Variants in CD101 observed in about 807,000 individuals in gnomAD.
CD101 encodes the protein CD101 molecule, also known as immunoglobulin superfamily member 2.
Under a neutral mutation model 98.2 loss-of-function variants are expected in CD101, and 76 were observed. That is an observed-to-expected ratio of 0.77 (90% CI 0.64 to 0.94). The LOEUF (loss-of-function observed/expected upper bound fraction) is 0.94. CD101 is among the 40% of genes least tolerant of loss of function. CD101 has a pLI of 0.00. For missense variants in CD101, 1,145 were observed against 1,218.8 expected (o/e 0.94, Z 0.90); for synonymous variants, 471 against 472.7 (o/e 1.00, Z 0.05).
At position 117,005,607 on chromosome 1, in the gene CD101, C is replaced by T. The variant is rs1187039093; in HGVS notation, c.43+3747C>T. Among the ~76,000 whole-genome samples, 1 of 152,196 alleles carries T rather than the reference C, an allele frequency of 6.6e-6. No homozygotes were observed. Among genetic ancestry groups the T allele is most frequent in the Non-Finnish European group, 1.5e-5 (1 of 68,046 alleles). On this transcript the variant is annotated intron_variant, in intron 1 of 9. Coordinates refer to ENST00000682167, the MANE Select transcript of CD101 (RefSeq NM_001256106.3). This position sits in a 1 kb window ranked among gnomAD's most constrained non-coding sequence, Gnocchi z 4.4. The stretch of plus-strand genomic sequence containing the variant: ...TCCCTCTGTAAGTTTTGTTCCTTAT[C>T]CCATCCCCTAAAGAGAGAAATTCCC...
chr1:117,018,350 T>A lies in CD101; in HGVS notation c.1807T>A (p.Trp603Arg), dbSNP rs761238424. Residue 603 changes from tryptophan (W) to arginine (R), a missense_variant, in exon 6 of 10, where the codon TGG (tryptophan) becomes AGG (arginine). Trp to Arg is a moderately radical substitution (Grantham distance 101, BLOSUM62 -3). Transcript: ENST00000682167. This position sits in a 1 kb window ranked among gnomAD's most constrained non-coding sequence, Gnocchi z 4.3. ...IRITHNGTIEWGNFLSRFQKK... is the reference protein window; with the variant it reads ...IRITHNGTIERGNFLSRFQKK... ...AATCACCCACAATGGCACTATTGAA[T>A]GGGGGAATTTCCTATCCCGGTTCCA... 2.5e-6 allele frequency: 4 copies of A among 1,614,076 alleles called. No individual in the cohort carries two copies. The Admixed American group carries it at 6.7e-5, about 27-fold the overall frequency.
Position 117,006,633 on chromosome 1 carries a change from T to C in CD101, c.44-3217T>C, listed in dbSNP as rs1652550092. Among the ~76,000 whole-genome samples the C allele has an allele frequency of 6.6e-6, 1 of 152,190 alleles. No individual in the cohort carries two copies. Among genetic ancestry groups the C allele is most frequent in the African/African-American group, 2.4e-5 (1 of 41,520 alleles). ...ACCTAAAATGCTCTGTCTCCCCACT[T>C]ACCTTGTCATAATCTTCCCAATTCT... On this transcript the variant is annotated intron_variant, in intron 1 of 9. Coordinates refer to ENST00000682167, the MANE Select transcript of CD101 (RefSeq NM_001256106.3). The surrounding 1 kb of genome is among the most constrained non-coding windows in gnomAD (Gnocchi z 4.4).
Position 117,018,097 on chromosome 1 carries a change from A to C in CD101, c.1613-59A>C. Reference sequence around the variant, plus strand: ...AGAGGTGGCAACTAGAAAAACTTGAAAGTGCTATATTTTAATCTGGTAAAT... The same window carrying C: ...AGAGGTGGCAACTAGAAAAACTTGACAGTGCTATATTTTAATCTGGTAAAT... On this transcript the variant is annotated intron_variant, in intron 5 of 9. Coordinates refer to ENST00000682167, the MANE Select transcript of CD101 (RefSeq NM_001256106.3). This position sits in a 1 kb window ranked among gnomAD's most constrained non-coding sequence, Gnocchi z 4.3. 1 of 1,442,442 alleles carries C rather than the reference A, an allele frequency of 6.9e-7. No individual in the cohort carries two copies. 89.4% of individuals were successfully genotyped at this position (1,442,442 alleles called of 1,614,324 possible). A position where few individuals can be genotyped will look rare whatever the true frequency, so the allele number is the denominator to read the frequency against.
chr1:117,008,529 T>C (rs1652676246), intron 1 of CD101, among the ~76,000 whole-genome samples: 1 of 152,146 alleles, frequency 6.6e-6, no homozygotes, highest in South Asian at 2.1e-4. Flanking sequence ...CATTGGTTGG[T>C]TTCCCAGTTT....
At chr1:117,016,954 G>A (rs532731311) in intron 4 of CD101, 136 bp from the exon 5 acceptor site, 1 of 832,798 alleles carries the variant, frequency 1.2e-6, no homozygotes, top group South Asian at 1.8e-5. Context: ...TTTGCCTGAG[G>A]GTGGTGCAAG....
chr1:117,027,552 A>T (rs1441377542), intron 8 of CD101, among the ~76,000 whole-genome samples: 1 of 152,184 alleles, frequency 6.6e-6, no homozygotes, highest in Non-Finnish European at 1.5e-5. Context: ...GTAAAATTTC[A>T]TGTTATATTC....
intron 7 of CD101, among the ~76,000 whole-genome samples, chr1:117,024,339 T>C (rs1263260821): frequency 6.6e-6 from 1 of 152,092 alleles, no homozygotes; most frequent in Non-Finnish European, 1.5e-5. Flanking sequence ...TAGCCAGGCA[T>C]GGTGGCCCAT....
chr1:117,003,612 T>C (rs1006832557), intron 1 of CD101, among the ~76,000 whole-genome samples: 8 of 152,240 alleles, frequency 5.3e-5, no homozygotes, highest in Non-Finnish European at 1.2e-4. Context: ...TGGGTTTACA[T>C]TGTGCAATAA....
Position 117,025,499 on chromosome 1 carries a change from T to A in CD101, c.2429-10T>A. On this transcript the variant is annotated splice_polypyrimidine_tract_variant and intron_variant, in intron 7 of 9. Coordinates refer to ENST00000682167, the MANE Select transcript of CD101 (RefSeq NM_001256106.3). ...TGCATTCTCTAATTTACTGCCATTT[T>A]ATTTTCTAGGAAGTAAGGTACGTGT... 1 of 1,515,866 alleles carries A rather than the reference T, an allele frequency of 6.6e-7. No homozygotes were observed. Among genetic ancestry groups the A allele is most frequent in the South Asian group, 1.3e-5 (1 of 77,664 alleles). The allele number at this position is 1,515,866 out of a possible 1,614,324, so 93.9% of individuals were successfully genotyped here.
intron 1 of CD101, among the ~76,000 whole-genome samples, chr1:117,007,788 A>C (rs1176628323): frequency 6.6e-6 from 1 of 152,232 alleles, no homozygotes; most frequent in African/African-American, 2.4e-5. Flanking sequence ...GTGTTTTTGT[A>C]TCTTGCTTTG....
In CD101 at chr1:117,011,662, CCT is replaced by C. The variant is rs1652894052; in HGVS notation, c.542_543del (p.Ser181CysfsTer16). ...ASKATAQHTH[L>X]SVTWYLTQDG... ...CCAAAGCCACAGCCCAACATACTCA[CCT>C]CTCTGTCACCTGGTACCTAACACAG... On this transcript the variant is annotated frameshift_variant, in exon 3 of 10. Transcript: ENST00000682167. LOFTEE classifies it high-confidence loss of function. The C allele has an allele frequency of 2.5e-6, 4 of 1,614,096 alleles. No individual in the cohort carries two copies. Among genetic ancestry groups the C allele is most frequent in the Non-Finnish European group, 3.4e-6 (4 of 1,180,044 alleles).
rs1339927735 is a variant in CD101, at chr1:117,023,240, C to A, written c.2428+1257C>A. Among the ~76,000 whole-genome samples, 1 of 152,216 alleles carries A rather than the reference C, an allele frequency of 6.6e-6. No individual in the cohort carries two copies. On this transcript the variant is annotated intron_variant, in intron 7 of 9. Coordinates refer to ENST00000682167, the MANE Select transcript of CD101 (RefSeq NM_001256106.3). The surrounding 1 kb of genome is among the most constrained non-coding windows in gnomAD (Gnocchi z 4.4). ...GCATTCTGTCTCCCAGTCATCCACACCAAACTCTTGACCACATGTGCATGG... is the reference window on the plus strand; with the variant it reads ...GCATTCTGTCTCCCAGTCATCCACAACAAACTCTTGACCACATGTGCATGG...
At position 117,035,580 on chromosome 1, in the gene CD101, C is replaced by T. The variant is rs1041053715; in HGVS notation, c.*34-588C>T. 4.8e-5 allele frequency among the ~76,000 whole-genome samples: 7 copies of T among 146,860 alleles called. No homozygotes were observed. In the East Asian group the frequency reaches 1.0e-3, roughly 21 times the overall value. On this transcript the variant is annotated intron_variant, in intron 9 of 9. Coordinates refer to ENST00000682167, the MANE Select transcript of CD101 (RefSeq NM_001256106.3). ...TTTTTTTTTTTTTGAGATGAAGTCT[C>T]GCTCTGTCGCCCGGGCTGGAGTGCA... is the stretch of plus-strand genomic sequence containing the variant.
rs781384639 is a variant in CD101 at position 117,017,336 on chromosome 1, C to T, written c.1475C>T (p.Ala492Val). 1.2e-6 allele frequency: 2 copies of T among 1,614,222 alleles called. No homozygotes were observed. Among genetic ancestry groups the T allele is most frequent in the Middle Eastern group, 1.7e-4 (1 of 6,060 alleles). ...GNTRLEKMDW[A>V]TFQLEITFTA... is the part of the protein sequence containing the mutation. Reference sequence around the variant, plus strand: ...ACAAGGCTGGAGAAAATGGACTGGGCCACCTTCCAGCTGGAGATCACCTTC... The same window carrying T: ...ACAAGGCTGGAGAAAATGGACTGGGTCACCTTCCAGCTGGAGATCACCTTC... The change falls in exon 5 of 10, where the codon GCC becomes GTC. Residue 492 changes from alanine (A) to valine (V), a missense_variant. By Grantham distance (64) the Ala-to-Val change is moderately conservative. Coordinates refer to ENST00000682167, the MANE Select transcript of CD101 (RefSeq NM_001256106.3).
chr1:117,003,502 G>T (rs1652364662), intron 1 of CD101, among the ~76,000 whole-genome samples: 1 of 152,158 alleles, frequency 6.6e-6, no homozygotes, highest in South Asian at 2.1e-4. Context: ...TTGGGGGCTG[G>T]TGTGTTTTTG....
chr1:117,013,367 G>A (rs2101122949), intron 3 of CD101, 39 bp from the exon 4 acceptor site: 2 of 1,567,018 alleles, frequency 1.3e-6, no homozygotes, highest in South Asian at 2.4e-5. Context: ...GACAGAGGCT[G>A]TGGGCTCTCT....
chr1:117,016,579 C>CACA (rs974389073), intron 4 of CD101, among the ~76,000 whole-genome samples: 3 of 152,128 alleles, frequency 2.0e-5, no homozygotes, highest in African/African-American at 7.2e-5. Context: ...TTTAAGTAAG[C>CACA]TGGGTGCAGT....
intron 8 of CD101, among the ~76,000 whole-genome samples, chr1:117,029,194 A>AGAAG (rs199604360): frequency 0.11 from 4,794 of 42,956 alleles, 682 homozygotes; most frequent in Non-Finnish European, 0.13. Flanking sequence ...AAAGAAAGAA[A>AGAAG]GAAAGAAAGA....
chr1:117,008,207 G>T (rs550379147), intron 1 of CD101, among the ~76,000 whole-genome samples: 1 of 152,318 alleles, frequency 6.6e-6, no homozygotes, highest in East Asian at 1.9e-4. Flanking sequence ...GCTCACACCT[G>T]TAATTCCAGC....
Sources: gnomAD v4.1 joint callset for allele counts (sites outside exome capture counted in the v4.1 genomes callset) on GRCh38, gnomAD v4.1.1 for gene constraint, Gnocchi (gnomAD v3.1) non-coding constraint, MANE v1.5 for transcripts, NCBI Gene and HGNC (gene_info 2026-07-23, HGNC 2026-07-21) for gene names.